Variants in PCDHGA1 observed in about 807,000 individuals in gnomAD.
PCDHGA1 encodes the protein protocadherin gamma-A1.
In PCDHGA1, 32 loss-of-function variants were observed where a neutral mutation model predicts 58.0. The observed-to-expected ratio is 0.55, with a 90% CI of 0.42 to 0.74. The LOEUF (loss-of-function observed/expected upper bound fraction) is 0.74. Ranked by LOEUF, PCDHGA1 falls within the 30% of genes least tolerant of loss-of-function variation. PCDHGA1 has a pLI of 0.00. For synonymous variants in PCDHGA1, 498 were observed against 501.1 expected (o/e 0.99, Z 0.08); for missense variants, 1,205 against 1,182.3 (o/e 1.02, Z -0.28).
At chr5:141,361,689 C>G (rs752885909) in intron 1 of PCDHGA1, 1 of 1,613,502 alleles carries the variant, frequency 6.2e-7, no homozygotes, top group South Asian at 1.1e-5. Context: ...TCGCGCAGCG[C>G]GCCTTCGATC....
At chr5:141,375,214 C>T (rs750367246) in intron 1 of PCDHGA1, 2 of 1,613,928 alleles carry the variant, frequency 1.2e-6, no homozygotes, top group Non-Finnish European at 1.7e-6. Context: ...GAGACTCTGG[C>T]CTGAATGGCC....
intron 1 of PCDHGA1, chr5:141,408,066 G>T: frequency 7.3e-7 from 1 of 1,364,656 alleles, no homozygotes; most frequent in Non-Finnish European, 9.7e-7. Flanking sequence ...CGGCTGCGCA[G>T]ACCTTTCCCA....
chr5:141,468,903 C>T (rs1265804352), intron 1 of PCDHGA1, among the ~76,000 whole-genome samples: 1 of 151,614 alleles, frequency 6.6e-6, no homozygotes, highest in Non-Finnish European at 1.5e-5. Context: ...CTAATATGAT[C>T]CAGACTAGAA....
intron 1 of PCDHGA1, chr5:141,423,750 T>TG (rs144521096): frequency 0.16 from 45,934 of 282,282 alleles, 1,791 homozygotes; most frequent in African/African-American, 0.37. Context: ...GAAAACTGTT[T>TG]GGGGGGGGGG....
At chr5:141,387,877 C>T in intron 1 of PCDHGA1, 1 of 1,585,868 alleles carries the variant, frequency 6.3e-7, no homozygotes, top group Non-Finnish European at 8.6e-7. Flanking sequence ...CTGAGGAGAG[C>T]AAGAGGGATG....
At chr5:141,366,786 A>T in intron 1 of PCDHGA1, 3 of 1,575,572 alleles carry the variant, frequency 1.9e-6, no homozygotes, top group Non-Finnish European at 2.6e-6. Context: ...TGACCAGAAC[A>T]TTTTCATTTG....
intron 1 of PCDHGA1, chr5:141,351,900 T>C: frequency 5.6e-6 from 9 of 1,613,414 alleles, no homozygotes; most frequent in Admixed American, 1.7e-5. Context: ...CTGCGCGTGT[T>C]GGTGGGCGAC....
chr5:141,431,178 TAA>T lies in PCDHGA1; in HGVS notation c.2422-63625_2422-63624del. On this transcript the variant is annotated intron_variant, in intron 1 of 3. Transcript: ENST00000517417. This position sits in a 1 kb window ranked among gnomAD's most constrained non-coding sequence, Gnocchi z 4.8. ...TACTTTCGTGAAAGTGAATTAGAAA[TAA>T]AAATTAGTGAAAATGCAGCCACTGA... is the stretch of plus-strand genomic sequence containing the variant. 1 of 1,614,078 alleles carries T rather than the reference TAA, an allele frequency of 6.2e-7. No homozygotes were observed. Among genetic ancestry groups the T allele is most frequent in the Non-Finnish European group, 8.5e-7 (1 of 1,180,000 alleles).
At chr5:141,500,866 A>C (rs576713520) in intron 2 of PCDHGA1, among the ~76,000 whole-genome samples, 1 of 146,112 alleles carries the variant, frequency 6.8e-6, no homozygotes, top group Non-Finnish European at 1.5e-5. Context: ...AAACATACAC[A>C]TTCATTTACA....
At chr5:141,383,213 A>C in intron 1 of PCDHGA1, 1 of 1,614,012 alleles carries the variant, frequency 6.2e-7, no homozygotes, top group Non-Finnish European at 8.5e-7. Flanking sequence ...TGTCTGGTAA[A>C]CTTTAACATC....
intron 1 of PCDHGA1, among the ~76,000 whole-genome samples, chr5:141,472,273 G>A (rs2099275685): frequency 6.6e-6 from 1 of 152,170 alleles, no homozygotes; most frequent in South Asian, 2.1e-4. Context: ...CGGGCACAGT[G>A]GCTCACACCT....
intron 1 of PCDHGA1, chr5:141,416,205 A>T (rs1239154825): frequency 1.3e-5 from 2 of 152,458 alleles, no homozygotes; most frequent in Non-Finnish European, 2.9e-5. Context: ...CAATTTATTT[A>T]TAACAATGTA....
chr5:141,394,174 A>T, intron 1 of PCDHGA1: 1 of 1,613,824 alleles, frequency 6.2e-7, no homozygotes, highest in Non-Finnish European at 8.5e-7. Flanking sequence ...ACTTTCCCTC[A>T]TGCCTCCTAC....
At position 141,491,828 on chromosome 5, in the gene PCDHGA1, G is replaced by C. The variant is rs1389234164; in HGVS notation, c.2422-2979G>C. ...CTTGGTCGCTGGCTGCGCTCCACCC[G>C]ATTCTCGGGATCATTGGACCGTTTG... On this transcript the variant is annotated intron_variant, in intron 1 of 3. Coordinates refer to ENST00000517417, the MANE Select transcript of PCDHGA1 (RefSeq NM_018912.3). The surrounding 1 kb of genome is among the most constrained non-coding windows in gnomAD (Gnocchi z 6.9). 4.1e-6 allele frequency: 6 copies of C among 1,475,668 alleles called. No homozygotes were observed. The highest frequency in any genetic ancestry group is 5.4e-6 in the Non-Finnish European group (6 of 1,113,522). 91.4% of individuals were successfully genotyped at this position (1,475,668 alleles called of 1,614,324 possible).
At chr5:141,404,403 A>G (rs767148207) in intron 1 of PCDHGA1, 2 of 1,613,896 alleles carry the variant, frequency 1.2e-6, no homozygotes, top group East Asian at 4.5e-5. Flanking sequence ...AGCAATGAGA[A>G]TTCTAGAGTT....
chr5:141,423,877 C>A, intron 1 of PCDHGA1: 1 of 1,283,890 alleles, frequency 7.8e-7, no homozygotes, highest in Non-Finnish European at 9.9e-7. Flanking sequence ...ATTTTTCAAT[C>A]TTGGCATATT....
intron 1 of PCDHGA1, chr5:141,351,378 G>C (rs1476351537): frequency 6.2e-7 from 1 of 1,612,216 alleles, no homozygotes; most frequent in Admixed American, 1.7e-5. Context: ...AAGGATTCTG[G>C]GCAAAATGGC....
chr5:141,470,828 C>A (rs1328067769), intron 1 of PCDHGA1, among the ~76,000 whole-genome samples: 1 of 151,994 alleles, frequency 6.6e-6, no homozygotes, highest in Non-Finnish European at 1.5e-5. Flanking sequence ...GTTAGGACGA[C>A]AAACACACGC....
At chr5:141,341,396 G>A (rs767458196) in intron 1 of PCDHGA1, 4 of 1,614,158 alleles carry the variant, frequency 2.5e-6, no homozygotes, top group Admixed American at 1.7e-5. Flanking sequence ...GTTTTCTCAG[G>A]TAATCTATCT....
Sources: gnomAD v4.1 joint callset for allele counts (sites outside exome capture counted in the v4.1 genomes callset) on GRCh38, gnomAD v4.1.1 for gene constraint, Gnocchi (gnomAD v3.1) non-coding constraint, MANE v1.5 for transcripts, NCBI Gene and HGNC (gene_info 2026-07-23, HGNC 2026-07-21) for gene names.